The following USP31 variants were observed in gnomAD, a reference collection of about 807,000 sequenced individuals.
The protein encoded by USP31 is ubiquitin specific peptidase 31.
Under a neutral mutation model 119.4 loss-of-function variants are expected in USP31, and 44 were observed. That is an observed-to-expected ratio of 0.37 (90% CI 0.29 to 0.47). The LOEUF is 0.47. Among genes scored for constraint, USP31 ranks in the 20% least tolerant of loss-of-function variants. The pLI is 0.99. For synonymous variants in USP31, 749 were observed against 705.6 expected (o/e 1.06, Z -0.97); for missense variants, 1,643 against 1,730.2 (o/e 0.95, Z 0.89).
At chr16:23,119,521 G>A (rs1304879822) in intron 1 of USP31, among the ~76,000 whole-genome samples, 2 of 152,118 alleles carry the variant, frequency 1.3e-5, no homozygotes, top group Non-Finnish European at 2.9e-5. Context: ...ATCATACAGG[G>A]CTCAGGTTCT....
At chr16:23,126,593 C>T (rs1403061937) in intron 1 of USP31, among the ~76,000 whole-genome samples, 2 of 150,428 alleles carry the variant, frequency 1.3e-5, no homozygotes, top group Admixed American at 1.3e-4. Flanking sequence ...CACCACCGCA[C>T]TCCAGCCTGG....
chr16:23,081,862 C>G (rs1336957889), intron 12 of USP31, among the ~76,000 whole-genome samples: 1 of 152,220 alleles, frequency 6.6e-6, no homozygotes, highest in Non-Finnish European at 1.5e-5. Flanking sequence ...GCTTCCACCT[C>G]ACCTAGTAAA....
intron 11 of USP31, among the ~76,000 whole-genome samples, chr16:23,083,289 T>C (rs535564282): frequency 1.8e-4 from 28 of 152,208 alleles, no homozygotes; most frequent in Non-Finnish European, 3.8e-4. Flanking sequence ...TTTGACAGTC[T>C]TGCCAAAGGG....
chr16:23,103,590 T>C (rs1278491755), intron 5 of USP31, among the ~76,000 whole-genome samples: 2 of 152,232 alleles, frequency 1.3e-5, no homozygotes, highest in Admixed American at 6.5e-5. Context: ...CCTCTTTCTG[T>C]TATATTTCTG....
rs1900154199 is a variant in USP31 at position 23,068,037 on chromosome 16, G to A, written c.*9C>T. On this transcript the variant is annotated 3_prime_UTR_variant, in exon 16 of 16. Transcript: ENST00000219689. ...TCTTTACAGATAAAACACTTTGATTGCAGAAATATCACTGAGGTTTTTGAG... is the reference window on the plus strand; with the variant it reads ...TCTTTACAGATAAAACACTTTGATTACAGAAATATCACTGAGGTTTTTGAG... 6.2e-7 allele frequency: 1 copy of A among 1,600,612 alleles called. No individual in the cohort carries two copies. Among genetic ancestry groups the A allele is most frequent in the African/African-American group, 1.3e-5 (1 of 74,186 alleles).
intron 1 of USP31, among the ~76,000 whole-genome samples, chr16:23,124,661 G>A (rs866668751): frequency 1.3e-5 from 2 of 152,160 alleles, no homozygotes; most frequent in Admixed American, 1.3e-4. Flanking sequence ...GGCTGAGATG[G>A]GTGGATCACC....
At chr16:23,071,588 T>A (rs529665458) in intron 15 of USP31, among the ~76,000 whole-genome samples, 1 of 152,216 alleles carries the variant, frequency 6.6e-6, no homozygotes, top group Admixed American at 6.5e-5. Flanking sequence ...CACAGCTTCC[T>A]CCCTGGGGAG....
At chr16:23,099,513 T>C (rs1304913955) in intron 6 of USP31, among the ~76,000 whole-genome samples, 2 of 152,128 alleles carry the variant, frequency 1.3e-5, no homozygotes, top group Admixed American at 6.5e-5. Flanking sequence ...AAAAGACACA[T>C]GCACATGCAC....
intron 1 of USP31, among the ~76,000 whole-genome samples, chr16:23,144,423 C>A (rs536227887): frequency 6.6e-6 from 1 of 151,664 alleles, no homozygotes; most frequent in South Asian, 2.1e-4. Flanking sequence ...CCACCCCAAG[C>A]AGGCGAAGCA....
intron 1 of USP31, among the ~76,000 whole-genome samples, chr16:23,117,847 T>C (rs1567241921): frequency 1.3e-5 from 2 of 151,998 alleles, no homozygotes; most frequent in East Asian, 3.9e-4. Flanking sequence ...TGGAGCGCAG[T>C]AGTGCAATCT....
At chr16:23,114,451 G>T (rs1250729908) in intron 1 of USP31, among the ~76,000 whole-genome samples, 5 of 127,314 alleles carry the variant, frequency 3.9e-5, no homozygotes, top group African/African-American at 1.5e-4. Context: ...GGAAAAAATA[G>T]GAAAAAAAAA....
At chr16:23,101,970 TAAAAAAAA>T (rs34773118) in intron 6 of USP31, among the ~76,000 whole-genome samples, 1,227 of 85,560 alleles carry the variant, frequency 0.014, 22 homozygotes, top group African/African-American at 0.049. Context: ...TAGCAAAATT[TAAAAAAAA>T]AAAAAAAAAA....
chr16:23,124,880 C>T (rs1902797307), intron 1 of USP31, among the ~76,000 whole-genome samples: 1 of 152,086 alleles, frequency 6.6e-6, no homozygotes, highest in Non-Finnish European at 1.5e-5. Flanking sequence ...CAGAACGAGA[C>T]TCTGTCTCAC....
chr16:23,090,887 A>G, intron 6 of USP31, 83 bp from the exon 7 acceptor site: 1 of 1,304,874 alleles, frequency 7.7e-7, no homozygotes, highest in African/African-American at 1.5e-5. Flanking sequence ...CCCAACAGAG[A>G]AAATTTTTTT....
intron 13 of USP31, among the ~76,000 whole-genome samples, chr16:23,078,015 A>T (rs1473912124): frequency 6.6e-6 from 1 of 152,222 alleles, no homozygotes; most frequent in East Asian, 1.9e-4. Context: ...TTCTGTGGTC[A>T]TTAAAAAGTA....
chr16:23,149,360 C>G lies in USP31; in HGVS notation c.-90G>C. ...CGCCGCATCCCGCAGCGCCGCGCCT[C>G]ACCGGGCCCGGGGGCTCGACGCCCC... is the stretch of plus-strand genomic sequence containing the variant. On this transcript the variant is annotated 5_prime_UTR_variant, in exon 1 of 16. Coordinates refer to ENST00000219689, the MANE Select transcript of USP31 (RefSeq NM_020718.4). 3.0e-6 allele frequency: 3 copies of G among 993,494 alleles called. No individual in the cohort carries two copies. The highest frequency in any genetic ancestry group is 3.6e-6 in the Non-Finnish European group (3 of 836,578). The allele number at this position is 993,494 out of a possible 1,614,324, so 61.5% of individuals were successfully genotyped here. A position where few individuals can be genotyped will look rare whatever the true frequency, so the allele number is the denominator to read the frequency against.
intron 6 of USP31, 48 bp downstream of exon 6, chr16:23,102,271 T>C: frequency 6.3e-7 from 1 of 1,578,714 alleles, no homozygotes; most frequent in Non-Finnish European, 8.6e-7. Context: ...TAGACTATAG[T>C]TAAACCTGCA....
In USP31 at chr16:23,067,826, T is replaced by C; in HGVS notation, c.*220A>G. 2.0e-6 allele frequency: 1 copy of C among 503,506 alleles called. No individual in the cohort carries two copies. Among genetic ancestry groups the C allele is most frequent in the South Asian group, 3.6e-5 (1 of 27,534 alleles). The allele number at this position is 503,506 out of a possible 1,614,324, so 31.2% of individuals were successfully genotyped here. A position where few individuals can be genotyped will look rare whatever the true frequency, so the allele number is the denominator to read the frequency against. The stretch of plus-strand genomic sequence containing the variant: ...TCCAGTTAGCTTGGTGTCAATGTTT[T>C]GCCTATGGCTGTTATTTGGTTCAAT... On this transcript the variant is annotated 3_prime_UTR_variant, in exon 16 of 16. Coordinates refer to ENST00000219689, the MANE Select transcript of USP31 (RefSeq NM_020718.4).
chr16:23,069,985 G>T (rs749935680), intron 15 of USP31, among the ~76,000 whole-genome samples: 1 of 152,230 alleles, frequency 6.6e-6, no homozygotes, highest in African/African-American at 2.4e-5. Context: ...CAGGTGACAC[G>T]TAAGAAAACG....
Sources: allele counts gnomAD v4.1 joint callset (sites outside exome capture counted in the v4.1 genomes callset), GRCh38; gene constraint gnomAD v4.1.1; transcripts MANE v1.5; gene names NCBI Gene and HGNC (gene_info 2026-07-23, HGNC 2026-07-21).